ST6GALNAC3: variants seen among roughly 807,000 people sequenced by gnomAD.
The protein encoded by ST6GALNAC3 is alpha-N-acetylgalactosaminide alpha-2,6-sialyltransferase 3.
In ST6GALNAC3, 25 loss-of-function variants were observed where a neutral mutation model predicts 32.7. The ratio of observed to expected loss-of-function variants is 0.76; its 90% CI spans 0.56 to 1.07. ST6GALNAC3 has a LOEUF of 1.07. Ranked by LOEUF, ST6GALNAC3 falls within the 50% of genes least tolerant of loss-of-function variation. The pLI is 0.00. For missense variants in ST6GALNAC3, 355 were observed against 382.4 expected (o/e 0.93, Z 0.60); for synonymous variants, 129 against 133.1 (o/e 0.97, Z 0.21).
intron 3 of ST6GALNAC3, among the ~76,000 whole-genome samples, chr1:76,446,613 C>A (rs1048344387): frequency 6.6e-6 from 1 of 152,154 alleles, no homozygotes; most frequent in African/African-American, 2.4e-5. Flanking sequence ...CCACCCAAAT[C>A]TCATCTTGAA....
At chr1:76,358,809 C>G (rs1237835286) in intron 2 of ST6GALNAC3, among the ~76,000 whole-genome samples, 2 of 152,158 alleles carry the variant, frequency 1.3e-5, no homozygotes, top group African/African-American at 4.8e-5. Flanking sequence ...CCATGTTGCT[C>G]TTATCTTCCT....
At chr1:76,552,677 T>A (rs1041571798) in intron 3 of ST6GALNAC3, among the ~76,000 whole-genome samples, 3 of 152,252 alleles carry the variant, frequency 2.0e-5, no homozygotes, top group African/African-American at 7.2e-5. Context: ...AAACCATTTA[T>A]GCTTTAATAT....
intron 3 of ST6GALNAC3, among the ~76,000 whole-genome samples, chr1:76,555,907 C>T (rs1269148934): frequency 6.6e-6 from 1 of 151,908 alleles, no homozygotes; most frequent in Non-Finnish European, 1.5e-5. Flanking sequence ...TACAACTCAC[C>T]CATTTAAGGC....
Position 76,630,165 on chromosome 1 carries a change from T to C in ST6GALNAC3, c.*1359T>C. ...TATTCCAGATTGCTCTACTTGCTAA[T>C]ATTTGTATAGAATAGAATTTATGTA... On this transcript the variant is annotated 3_prime_UTR_variant, in exon 5 of 5. Coordinates refer to ENST00000328299, the MANE Select transcript of ST6GALNAC3 (RefSeq NM_152996.4). 1.0e-6 allele frequency: 1 copy of C among 985,262 alleles called. No individual in the cohort carries two copies. Among genetic ancestry groups the C allele is most frequent in the Non-Finnish European group, 1.2e-6 (1 of 829,850 alleles). The allele number at this position is 985,262 out of a possible 1,614,324, so 61.0% of individuals were successfully genotyped here.
rs528858868 is a variant in ST6GALNAC3, at chr1:76,614,789, G to A, written c.624-12663G>A. 2.2e-4 allele frequency among the ~76,000 whole-genome samples: 33 copies of A among 147,738 alleles called. No homozygotes were observed. In the South Asian group the frequency reaches 5.8e-3, roughly 26 times the overall value. On this transcript the variant is annotated intron_variant, in intron 3 of 4. Transcript: ENST00000328299. ...ACCAATACGCAAACTATGCCCACAG[G>A]ACAATAAAATCAGAATCTATTACCG...
Position 76,512,978 on chromosome 1 carries a change from G to A in ST6GALNAC3, c.623+100561G>A, listed in dbSNP as rs61773274. 2.2e-4 allele frequency among the ~76,000 whole-genome samples: 11 copies of A among 49,374 alleles called. No homozygotes were observed. The Admixed American group carries it at 2.4e-3, about 11-fold the overall frequency. The allele number at this position is 49,374 out of a possible 152,430, so 32.4% of individuals were successfully genotyped here. ...TTTTCTTTTGAAAAATATCTATTTA[G>A]GTATATTGGGTTTTTTTTCTTTTGT... On this transcript the variant is annotated intron_variant, in intron 3 of 4. Coordinates refer to ENST00000328299, the MANE Select transcript of ST6GALNAC3 (RefSeq NM_152996.4).
intron 1 of ST6GALNAC3, among the ~76,000 whole-genome samples, chr1:76,076,225 A>T (rs142224856): frequency 2.2e-4 from 34 of 152,340 alleles, no homozygotes; most frequent in African/African-American, 7.9e-4. Flanking sequence ...TGAAAGGGAC[A>T]TTGAGGAGCA....
intron 1 of ST6GALNAC3, among the ~76,000 whole-genome samples, chr1:76,270,746 T>C (rs1658798621): frequency 6.6e-6 from 1 of 152,034 alleles, no homozygotes; most frequent in Non-Finnish European, 1.5e-5. Flanking sequence ...CAGGTACAGA[T>C]AGAAAATGTC....
intron 1 of ST6GALNAC3, among the ~76,000 whole-genome samples, chr1:76,162,413 C>T (rs1362363432): frequency 6.6e-6 from 1 of 152,190 alleles, no homozygotes; most frequent in Non-Finnish European, 1.5e-5. Context: ...AAAGTATGAC[C>T]TAATGATTAA....
At chr1:76,585,672 A>G (rs1167093852) in intron 3 of ST6GALNAC3, among the ~76,000 whole-genome samples, 1 of 152,134 alleles carries the variant, frequency 6.6e-6, no homozygotes, top group Non-Finnish European at 1.5e-5. Context: ...AGTGAATAAC[A>G]TTTATTTTAG....
chr1:76,565,994 T>C (rs1665531940), intron 3 of ST6GALNAC3, among the ~76,000 whole-genome samples: 8 of 152,380 alleles, frequency 5.3e-5, no homozygotes. Context: ...GGTTGATATT[T>C]TGATATCACT....
At chr1:76,470,185 A>G (rs1193555571) in intron 3 of ST6GALNAC3, among the ~76,000 whole-genome samples, 2 of 152,040 alleles carry the variant, frequency 1.3e-5, no homozygotes, top group Non-Finnish European at 2.9e-5. Flanking sequence ...TCTTTCTAAA[A>G]TCTAGGTTCG....
chr1:76,467,358 A>G (rs1213816046), intron 3 of ST6GALNAC3, among the ~76,000 whole-genome samples: 1 of 152,022 alleles, frequency 6.6e-6, no homozygotes, highest in Non-Finnish European at 1.5e-5. Flanking sequence ...GCCATAGGAC[A>G]GAAGAAAATG....
At chr1:76,459,294 G>C (rs539450664) in intron 3 of ST6GALNAC3, among the ~76,000 whole-genome samples, 1 of 152,286 alleles carries the variant, frequency 6.6e-6, no homozygotes, top group African/African-American at 2.4e-5. Context: ...AATTGGCATG[G>C]TGTCTCACGC....
chr1:76,167,940 C>T (rs1205420663), intron 1 of ST6GALNAC3, among the ~76,000 whole-genome samples: 2 of 151,554 alleles, frequency 1.3e-5, no homozygotes, highest in Non-Finnish European at 3.0e-5. Context: ...AAAAACAGCT[C>T]CTGGATTCAT....
intron 3 of ST6GALNAC3, among the ~76,000 whole-genome samples, chr1:76,436,237 A>G (rs1339488252): frequency 6.6e-6 from 1 of 152,142 alleles, no homozygotes; most frequent in East Asian, 1.9e-4. Context: ...ATTGCTAATA[A>G]TTAAATGAGA....
chr1:76,617,360 C>CTTTT (rs564466397), intron 3 of ST6GALNAC3, among the ~76,000 whole-genome samples: 4,957 of 147,764 alleles, frequency 0.034, 130 homozygotes, highest in South Asian at 0.071. Flanking sequence ...CTGTTACAAT[C>CTTTT]TTTTTTTTTT....
rs397706056 is a variant in ST6GALNAC3 at position 76,352,497 on chromosome 1, C to CTT, written c.213+38519_213+38520dup. On this transcript the variant is annotated intron_variant, in intron 2 of 4. Coordinates refer to ENST00000328299, the MANE Select transcript of ST6GALNAC3 (RefSeq NM_152996.4). ...GGTTATTTTCAAACTTTTTGGTTTC[C>CTT]TTTTTTTTTTTTTTTTTTTTTTACC... Among the ~76,000 whole-genome samples the CTT allele has an allele frequency of 7.5e-3, 867 of 116,150 alleles. 13 individuals carry two copies. Among genetic ancestry groups the CTT allele is most frequent in the East Asian group, 0.023 (87 of 3,820 alleles). The allele number at this position is 116,150 out of a possible 152,430, so 76.2% of individuals were successfully genotyped here.
intron 2 of ST6GALNAC3, among the ~76,000 whole-genome samples, chr1:76,318,572 C>A (rs754572865): frequency 4.6e-5 from 7 of 152,112 alleles, no homozygotes; most frequent in Non-Finnish European, 8.8e-5. Flanking sequence ...CCTGCCCTCG[C>A]CTCCCTGCTG....
Sources: gnomAD v4.1 joint callset for allele counts (sites outside exome capture counted in the v4.1 genomes callset) on GRCh38, gnomAD v4.1.1 for gene constraint, MANE v1.5 for transcripts, NCBI Gene and HGNC (gene_info 2026-07-23, HGNC 2026-07-21) for gene names.